BRD1: variants seen among roughly 807,000 people sequenced by gnomAD.
BRD1 encodes bromodomain-containing protein 1.
In BRD1, 24 loss-of-function variants were observed where a neutral mutation model predicts 107.7. That is an observed-to-expected ratio of 0.22 (90% CI 0.16 to 0.31). BRD1 has a LOEUF of 0.31. Among genes scored for constraint, BRD1 ranks in the 10% least tolerant of loss-of-function variants. The pLI is 1.00. For missense variants in BRD1, 1,279 were observed against 1,638.6 expected, an observed-to-expected ratio of 0.78 and a Z score of 3.79; for synonymous variants, 744 against 686.1, an observed-to-expected ratio of 1.08 and a Z score of -1.32.
chr22:49,788,427 GA>G (rs2059370453), intron 7 of BRD1, among the ~76,000 whole-genome samples: 1 of 152,014 alleles, frequency 6.6e-6, no homozygotes, highest in African/African-American at 2.4e-5. Context: ...GAAAGGCAGG[GA>G]AAAAAGCCCC....
At chr22:49,802,922 A>C (rs1230404570) in intron 3 of BRD1, among the ~76,000 whole-genome samples, 1 of 152,252 alleles carries the variant, frequency 6.6e-6, no homozygotes, top group Non-Finnish European at 1.5e-5. Flanking sequence ...AACTCTGTGG[A>C]CACGTGAGGA....
intron 7 of BRD1, among the ~76,000 whole-genome samples, chr22:49,791,694 A>C (rs960163430): frequency 6.6e-6 from 1 of 151,220 alleles, no homozygotes; most frequent in African/African-American, 2.4e-5. Context: ...CTCTCCACAG[A>C]CCCCCATCTT....
At chr22:49,775,469 CT>C in intron 12 of BRD1, 121 bp downstream of exon 12, 1 of 1,017,276 alleles carries the variant, frequency 9.8e-7, no homozygotes, top group Non-Finnish European at 1.3e-6. Context: ...TCACCTCCGA[CT>C]TTAGCTGTGC....
At chr22:49,796,732 G>A (rs1315064404) in intron 6 of BRD1, among the ~76,000 whole-genome samples, 2 of 152,232 alleles carry the variant, frequency 1.3e-5, no homozygotes, top group Non-Finnish European at 2.9e-5. Flanking sequence ...GACCCCACGG[G>A]AAGCAGGGAG....
chr22:49,815,107 G>A (rs981959848), intron 2 of BRD1, among the ~76,000 whole-genome samples: 41 of 152,242 alleles, frequency 2.7e-4, no homozygotes, highest in African/African-American at 9.6e-4. Context: ...GCTACCTTTA[G>A]TTCAGTAAAT....
At chr22:49,801,930 C>A (rs556462298) in intron 3 of BRD1, among the ~76,000 whole-genome samples, 104 of 152,348 alleles carry the variant, frequency 6.8e-4, no homozygotes, top group African/African-American at 2.3e-3. Context: ...GCCCTCGTGT[C>A]CCAGCTTATG....
Position 49,783,143 on chromosome 22 carries a change from CCA to C in BRD1, c.2857+4245_2857+4246del, listed in dbSNP as rs1487832994. Among the ~76,000 whole-genome samples, 1 of 152,238 alleles carries C rather than the reference CCA, an allele frequency of 6.6e-6. No individual in the cohort carries two copies. Among genetic ancestry groups the C allele is most frequent in the African/African-American group, 2.4e-5 (1 of 41,462 alleles). ...GACCTGCTCTTGCTGGGACCCAGCT[CCA>C]TGACAATGCAGCTGGGATGGTCAGA... On this transcript the variant is annotated intron_variant, in intron 8 of 12. Coordinates refer to ENST00000404760, the MANE Select transcript of BRD1 (RefSeq NM_001304808.3). This position sits in a 1 kb window ranked among gnomAD's most constrained non-coding sequence, Gnocchi z 4.2.
At chr22:49,784,277 G>A (rs1169602730) in intron 8 of BRD1, among the ~76,000 whole-genome samples, 8 of 143,452 alleles carry the variant, frequency 5.6e-5, no homozygotes, top group African/African-American at 2.1e-4. Flanking sequence ...GAGACTCGCG[G>A]CAGGGGTCTC....
chr22:49,775,824 C>CCGCCCCCCGCAGCTGTGTGA lies in BRD1; in HGVS notation c.3232-80_3232-79insTCACACAGCTGCGGGGGGCG, dbSNP rs879766434. 90 of 1,282,320 alleles carry CCGCCCCCCGCAGCTGTGTGA rather than the reference C, an allele frequency of 7.0e-5. 1 individual carries two copies. In the African/African-American group the frequency reaches 7.3e-4, roughly 10 times the overall value. 79.4% of individuals were successfully genotyped at this position (1,282,320 alleles called of 1,614,324 possible). A position where few individuals can be genotyped will look rare whatever the true frequency, so the allele number is the denominator to read the frequency against. On this transcript the variant is annotated intron_variant, in intron 11 of 12. Transcript: ENST00000404760. The stretch of plus-strand genomic sequence containing the variant: ...CCCACCTGTCACTGGCACCCCCCCC[C>CCGCCCCCCGCAGCTGTGTGA]GCCTCCCCACCCCAGCTGTGTGAGC...
intron 8 of BRD1, among the ~76,000 whole-genome samples, chr22:49,780,085 G>A (rs1459618414): frequency 3.3e-5 from 5 of 152,178 alleles, no homozygotes; most frequent in African/African-American, 1.2e-4. Context: ...ACGGCCACTT[G>A]GGGGAAGACG....
chr22:49,776,461 G>C (rs145106077), intron 10 of BRD1, among the ~76,000 whole-genome samples: 1 of 152,178 alleles, frequency 6.6e-6, no homozygotes, highest in African/African-American at 2.4e-5. Flanking sequence ...CCTCCTTGCC[G>C]CAAGGACGGG....
At chr22:49,819,334 G>A (rs1011344930) in intron 2 of BRD1, among the ~76,000 whole-genome samples, 18 of 152,018 alleles carry the variant, frequency 1.2e-4, no homozygotes, top group Admixed American at 9.8e-4. Flanking sequence ...GCTCACGCCT[G>A]TAATCTCAGC....
At chr22:49,785,371 C>A (rs1038421159) in intron 8 of BRD1, among the ~76,000 whole-genome samples, 1 of 152,258 alleles carries the variant, frequency 6.6e-6, no homozygotes, top group Non-Finnish European at 1.5e-5. Flanking sequence ...ACCTCTGCCG[C>A]CGACAGACGT....
intron 8 of BRD1, among the ~76,000 whole-genome samples, chr22:49,784,921 C>T (rs7284439): frequency 0.014 from 2,120 of 152,306 alleles, 47 homozygotes; most frequent in African/African-American, 0.049. Context: ...AGCTCAGGAA[C>T]TCACCGCACC....
At chr22:49,808,437 C>G (rs2059785377) in intron 2 of BRD1, among the ~76,000 whole-genome samples, 1 of 152,104 alleles carries the variant, frequency 6.6e-6, no homozygotes, top group African/African-American at 2.4e-5. Context: ...ACAAATACTG[C>G]CTGATTGCGC....
Position 49,824,899 on chromosome 22 carries a change from G to T in BRD1, c.-14-568C>A. The T allele has an allele frequency of 1.2e-6, 1 of 855,408 alleles. No homozygotes were observed. The highest frequency in any genetic ancestry group is 1.4e-6 in the Non-Finnish European group (1 of 706,070). 53.0% of individuals were successfully genotyped at this position (855,408 alleles called of 1,614,324 possible). A position where few individuals can be genotyped will look rare whatever the true frequency, so the allele number is the denominator to read the frequency against. On this transcript the variant is annotated intron_variant, in intron 1 of 12. Transcript: ENST00000404760. The surrounding 1 kb of genome is among the most constrained non-coding windows in gnomAD (Gnocchi z 5.9). ...ACAGTCCTTGCAGCATTCCTGCTGG[G>T]GCCAGGGGTAGGAGACAGATCACAG...
At chr22:49,787,109 A>G (rs2059340763) in intron 8 of BRD1, among the ~76,000 whole-genome samples, 1 of 152,178 alleles carries the variant, frequency 6.6e-6, no homozygotes, top group Non-Finnish European at 1.5e-5. Flanking sequence ...AGTATGTGGC[A>G]GAAGACAGGA....
chr22:49,816,929 T>C (rs752167563), intron 2 of BRD1, among the ~76,000 whole-genome samples: 7 of 152,146 alleles, frequency 4.6e-5, no homozygotes, highest in Non-Finnish European at 8.8e-5. Flanking sequence ...GTGGGTGACC[T>C]TGTCTACACA....
intron 8 of BRD1, among the ~76,000 whole-genome samples, chr22:49,781,133 T>A (rs1206722192): frequency 6.6e-6 from 1 of 151,784 alleles, no homozygotes; most frequent in Non-Finnish European, 1.5e-5. Context: ...GCGGCCAGGG[T>A]CCACCCACCC....
Sources: gnomAD v4.1 joint callset for allele counts (sites outside exome capture counted in the v4.1 genomes callset) on GRCh38, gnomAD v4.1.1 for gene constraint, Gnocchi (gnomAD v3.1) non-coding constraint, MANE v1.5 for transcripts, NCBI Gene and HGNC (gene_info 2026-07-23, HGNC 2026-07-21) for gene names.